KIAA1210: variants seen among roughly 807,000 people sequenced by gnomAD.
KIAA1210 encodes acrosomal protein KIAA1210.
KIAA1210 carries 48 observed loss-of-function variants against 78.9 expected under a neutral mutation model. The ratio of observed to expected loss-of-function variants is 0.61; its 90% CI spans 0.48 to 0.77. The LOEUF (loss-of-function observed/expected upper bound fraction) is 0.77, where lower values mean the gene tolerates loss of function less well. Among genes scored for constraint, KIAA1210 ranks in the 30% least tolerant of loss-of-function variants. KIAA1210 has a pLI of 0.00. For missense variants in KIAA1210, 1,108 were observed against 1,100.0 expected, an observed-to-expected ratio of 1.01 and a Z score of -0.10; for synonymous variants, 406 against 404.5, an observed-to-expected ratio of 1.00 and a Z score of -0.04.
chrX:119,150,235 G>T, intron 1 of KIAA1210: 1 of 1,112,802 alleles, frequency 9.0e-7, no homozygotes, highest in Non-Finnish European at 1.2e-6. Context: ...TCTCAGACTT[G>T]AGTCATTTCT....
intron 2 of KIAA1210, among the ~76,000 whole-genome samples, chrX:119,121,675 T>C (rs1011901150): frequency 5.4e-4 from 61 of 112,953 alleles, no homozygotes; most frequent in African/African-American, 1.9e-3. Context: ...CCCATCTGAA[T>C]TGAAATGAAT....
rs377717985 is a variant in KIAA1210 at position 119,088,407 on chromosome X, G to A, written c.2295C>T (p.Ser765=). Residue 765 remains serine (S), a synonymous_variant, in exon 9 of 12, where the codon TCC becomes TCT. Coordinates refer to ENST00000691062, the MANE Select transcript of KIAA1210 (RefSeq NM_001394962.1). ...SVGTSIKQSD[S]VEPIPPRHPF... ...GGTGTCTTGGAGGGATTGGCTCCACGGAATCGCTCTGTTTTATAGAAGTGC... is the reference window on the plus strand; with the variant it reads ...GGTGTCTTGGAGGGATTGGCTCCACAGAATCGCTCTGTTTTATAGAAGTGC... 5.8e-6 allele frequency: 7 copies of A among 1,211,170 alleles called. No homozygotes were observed. Among genetic ancestry groups the A allele is most frequent in the South Asian group, 5.3e-5 (3 of 56,858 alleles).
intron 6 of KIAA1210, among the ~76,000 whole-genome samples, chrX:119,100,773 T>C (rs754710838): frequency 8.9e-6 from 1 of 112,242 alleles, no homozygotes; most frequent in Admixed American, 9.4e-5. Context: ...CCACACTCTA[T>C]GTCCACCGTG....
rs776165513 is a variant in KIAA1210, at chrX:119,142,701, G to A, written c.410+4772C>T. 2.9e-5 allele frequency among the ~76,000 whole-genome samples: 3 copies of A among 103,348 alleles called. No homozygotes were observed. The South Asian group carries it at 1.4e-3, about 48-fold the overall frequency. The allele number at this position is 103,348 out of a possible 115,157, so 89.7% of individuals were successfully genotyped here. A position where few individuals can be genotyped will look rare whatever the true frequency, so the allele number is the denominator to read the frequency against. On this transcript the variant is annotated intron_variant, in intron 2 of 13. Transcript: ENST00000402510. ...GAGGCAGGAGAATCACTTGAACCCA[G>A]GAGGCAGAGGTTGCAGTGAGCCGAG...
At chrX:119,100,572 G>A (rs1287520996) in intron 6 of KIAA1210, among the ~76,000 whole-genome samples, 1 of 111,274 alleles carries the variant, frequency 9.0e-6, no homozygotes, top group South Asian at 3.8e-4. Flanking sequence ...TTTTTCGTTC[G>A]TATAAATCTA....
rs1324542571 is a variant in KIAA1210, at chrX:119,089,668, G to A, written c.1034C>T (p.Ala345Val). The A allele has an allele frequency of 1.1e-5, 13 of 1,209,421 alleles. No homozygotes were observed. The Admixed American group carries it at 2.4e-4, about 22-fold the overall frequency. ...KTTDQAPNTD[A>V]SRSQGYPMSA... is the part of the protein sequence containing the mutation. ...CATTGGATAGCCCTGACTCCGAGAAGCATCAGTGTTTGGAGCCTGGTCTGT... is the reference window on the plus strand; with the variant it reads ...CATTGGATAGCCCTGACTCCGAGAAACATCAGTGTTTGGAGCCTGGTCTGT... Residue 345 changes from alanine (A) to valine (V), a missense_variant, in exon 9 of 12, where the codon GCT becomes GTT. Transcript: ENST00000691062.
At chrX:119,112,152 CT>C (rs1283424333) in intron 3 of KIAA1210, among the ~76,000 whole-genome samples, 1 of 111,677 alleles carries the variant, frequency 9.0e-6, no homozygotes, top group Non-Finnish European at 1.9e-5. Flanking sequence ...CTTGCTTCCC[CT>C]TTATCCTCTG....
In KIAA1210 at chrX:119,148,839, C is replaced by T. The variant is rs530741625; in HGVS notation, c.290-1246G>A. Among the ~76,000 whole-genome samples, 65 of 111,176 alleles carry T rather than the reference C, an allele frequency of 5.8e-4. No homozygotes were observed. The South Asian group carries it at 0.024, about 41-fold the overall frequency. ...TGGCCAGACATTTCAAACATCTCCA[C>T]GATGAGAAATGTATATATTTATACA... On this transcript the variant is annotated intron_variant, in intron 1 of 13. Coordinates refer to the KIAA1210 transcript ENST00000402510.
At chrX:119,100,081 A>C (rs1464176991) in intron 6 of KIAA1210, among the ~76,000 whole-genome samples, 1 of 110,606 alleles carries the variant, frequency 9.0e-6, no homozygotes, top group Non-Finnish European at 1.9e-5. Flanking sequence ...ATGGCGGCTC[A>C]CACCTGTAAT....
chrX:119,142,939 C>T (rs1002962813), intron 2 of KIAA1210, among the ~76,000 whole-genome samples: 3 of 111,234 alleles, frequency 2.7e-5, no homozygotes, highest in African/African-American at 6.5e-5. Flanking sequence ...CACACACCTC[C>T]CACTAGGCTT....
Position 119,086,595 on chromosome X carries a change from C to T in KIAA1210, c.4107G>A (p.Arg1369=), listed in dbSNP as rs922197390. 8.3e-7 allele frequency: 1 copy of T among 1,208,581 alleles called. No individual in the cohort carries two copies. The highest frequency in any genetic ancestry group is 1.8e-5 in the African/African-American group (1 of 57,062). Residue 1369 remains arginine (R), a synonymous_variant, in exon 9 of 12, where the codon AGG becomes AGA. Transcript: ENST00000691062. ...ISYVADKQQS[R]PKSESMAKKQ... ...TCTTGGCCATGCTTTCAGATTTGGG[C>T]CTGCTCTGTTGCTTATCTGCAACGT...
At chrX:119,140,870 T>C (rs1929033940) in intron 2 of KIAA1210, among the ~76,000 whole-genome samples, 1 of 111,031 alleles carries the variant, frequency 9.0e-6, no homozygotes, top group African/African-American at 3.3e-5. Context: ...AGCCCAGGAG[T>C]TCAAGGCCAG....
At chrX:119,119,483 A>C (rs1202836634) in intron 2 of KIAA1210, among the ~76,000 whole-genome samples, 1 of 112,575 alleles carries the variant, frequency 8.9e-6, no homozygotes, top group Non-Finnish European at 1.9e-5. Context: ...AAAATGAAAT[A>C]GGAAACGTAT....
At chrX:119,112,387 TAAAG>T (rs1928108949) in intron 3 of KIAA1210, among the ~76,000 whole-genome samples, 1 of 111,634 alleles carries the variant, frequency 9.0e-6, no homozygotes, top group African/African-American at 3.3e-5. Context: ...CTGAAACATA[TAAAG>T]AACTCTTTCT....
intron 8 of KIAA1210, among the ~76,000 whole-genome samples, chrX:119,093,093 G>A (rs991897663): frequency 3.6e-5 from 4 of 112,081 alleles, no homozygotes; most frequent in Non-Finnish European, 7.5e-5. Flanking sequence ...TCACTCTGGT[G>A]ATATTTGTTG....
At chrX:119,102,018 C>T (rs144574631) in intron 6 of KIAA1210, among the ~76,000 whole-genome samples, 2,067 of 112,562 alleles carry the variant, frequency 0.018, 45 homozygotes, top group African/African-American at 0.062. Flanking sequence ...ATAAGAAAGT[C>T]TTGATAAATG....
At chrX:119,089,856 T>A in intron 8 of KIAA1210, 110 bp from the exon 9 acceptor site, 1 of 720,453 alleles carries the variant, frequency 1.4e-6, no homozygotes, top group Non-Finnish European at 2.0e-6. Flanking sequence ...AATTTCCTAG[T>A]ATGAGGAAGC....
chrX:119,141,789 C>T (rs1397364674), intron 2 of KIAA1210, among the ~76,000 whole-genome samples: 1 of 111,864 alleles, frequency 8.9e-6, no homozygotes, highest in African/African-American at 3.3e-5. Context: ...CATATAATCC[C>T]TTCATGCCTC....
intron 2 of KIAA1210, among the ~76,000 whole-genome samples, chrX:119,119,975 C>CAA (rs11342308): frequency 6.4e-4 from 23 of 35,753 alleles, no homozygotes; most frequent in African/African-American, 9.4e-4. Flanking sequence ...GACTCCATCT[C>CAA]AAAAAAAAAA....
Sources: gnomAD v4.1 joint callset for allele counts (sites outside exome capture counted in the v4.1 genomes callset) on GRCh38, gnomAD v4.1.1 for gene constraint, MANE v1.5 for transcripts, NCBI Gene and HGNC (gene_info 2026-07-23, HGNC 2026-07-21) for gene names.